Variants in ELP2 observed in about 807,000 individuals in gnomAD.
The protein encoded by ELP2 is elongator complex protein 2.
ELP2 carries 90 observed loss-of-function variants against 119.2 expected under a neutral mutation model. That is an observed-to-expected ratio of 0.75 (90% CI 0.64 to 0.90). The LOEUF is 0.90. ELP2 is among the 40% of genes least tolerant of loss of function. The probability of loss-of-function intolerance (pLI) is 0.00; values close to 1 mark genes in which losing one functional copy is unlikely to be tolerated. For missense variants in ELP2, 921 were observed against 967.8 expected, an observed-to-expected ratio of 0.95 and a Z score of 0.64; for synonymous variants, 339 against 331.0, an observed-to-expected ratio of 1.02 and a Z score of -0.26.
chr18:36,156,995 G>T (rs770442407), intron 13 of ELP2, among the ~76,000 whole-genome samples: 1 of 152,160 alleles, frequency 6.6e-6, no homozygotes, highest in Non-Finnish European at 1.5e-5. Flanking sequence ...CTGTATGGTA[G>T]GGGTAGAGGT....
rs1446931461 is a variant in ELP2, at chr18:36,176,542, C to G, written c.*1901C>G. 1 of 152,222 alleles carries G rather than the reference C, an allele frequency of 6.6e-6. No individual in the cohort carries two copies. The highest frequency in any genetic ancestry group is 2.4e-5 in the African/African-American group (1 of 41,448). The allele number at this position is 152,222 out of a possible 1,614,324, so 9.4% of individuals were successfully genotyped here. A position where few individuals can be genotyped will look rare whatever the true frequency, so the allele number is the denominator to read the frequency against. ...GCCTTGCCTAGAGAGACTGAGTTTT[C>G]AAGTTGTCAGTTTTCCCAAATTGTC... On this transcript the variant is annotated 3_prime_UTR_variant, in exon 22 of 22. Transcript: ENST00000358232.
At chr18:36,151,006 C>G (rs185757277) in intron 11 of ELP2, among the ~76,000 whole-genome samples, 1 of 151,846 alleles carries the variant, frequency 6.6e-6, no homozygotes, top group Non-Finnish European at 1.5e-5. Context: ...GACTCCAGCC[C>G]TTTTGTCAGT....
chr18:36,146,837 A>C (rs1235548872), intron 11 of ELP2, among the ~76,000 whole-genome samples: 1 of 151,796 alleles, frequency 6.6e-6, no homozygotes, highest in Non-Finnish European at 1.5e-5. Flanking sequence ...CCCGTCTCCA[A>C]AAAAAAAGAG....
At chr18:36,171,951 C>A (rs995596934) in intron 21 of ELP2, among the ~76,000 whole-genome samples, 3 of 152,162 alleles carry the variant, frequency 2.0e-5, no homozygotes, top group Non-Finnish European at 4.4e-5. Context: ...ATATCCTGGG[C>A]TCAAGCAATC....
At chr18:36,153,790 T>A (rs958166032) in intron 11 of ELP2, among the ~76,000 whole-genome samples, 2 of 152,062 alleles carry the variant, frequency 1.3e-5, no homozygotes, top group South Asian at 2.1e-4. Context: ...TTTTTTTTTT[T>A]ATAGAGCAGT....
intron 18 of ELP2, chr18:36,164,929 A>T (rs1295549668): frequency 4.2e-6 from 2 of 471,016 alleles, no homozygotes; most frequent in East Asian, 8.1e-5. Context: ...TTCAAGAAAC[A>T]TAAACATCTG....
chr18:36,168,906 T>A (rs2090987695), intron 19 of ELP2, among the ~76,000 whole-genome samples: 1 of 138,528 alleles, frequency 7.2e-6, no homozygotes. Flanking sequence ...CACTTCTCTC[T>A]CCATTTCTTT....
chr18:36,142,332 G>C lies in ELP2; in HGVS notation c.640G>C (p.Glu214Gln). 1 of 1,613,940 alleles carries C rather than the reference G, an allele frequency of 6.2e-7. No homozygotes were observed. Among genetic ancestry groups the C allele is most frequent in the Non-Finnish European group, 8.5e-7 (1 of 1,179,888 alleles). ...ACATGAGGATTGGATTAGAGGAGTGGAATGGGCAGCCTTTGGTCAGTATGA... is the reference window on the plus strand; with the variant it reads ...ACATGAGGATTGGATTAGAGGAGTGCAATGGGCAGCCTTTGGTCAGTATGA... ...CGHEDWIRGVEWAAFGRDLFL... is the reference protein window; with the variant it reads ...CGHEDWIRGVQWAAFGRDLFL... The change falls in exon 7 of 22, where the codon GAA becomes CAA. Residue 214 changes from glutamate to glutamine, a missense_variant. Transcript: ENST00000358232.
intron 2 of ELP2, 67 bp from the exon 3 acceptor site, chr18:36,136,240 C>A: frequency 8.1e-7 from 1 of 1,230,514 alleles, no homozygotes; most frequent in Non-Finnish European, 1.2e-6. Flanking sequence ...TTTGGTGTAG[C>A]TTGGAAATTT....
At chr18:36,131,347 A>G (rs1479043602) in intron 1 of ELP2, among the ~76,000 whole-genome samples, 1 of 152,252 alleles carries the variant, frequency 6.6e-6, no homozygotes, top group Non-Finnish European at 1.5e-5. Context: ...TAAAGGGACC[A>G]TGAGGCAAGG....
intron 16 of ELP2, among the ~76,000 whole-genome samples, chr18:36,160,433 C>G (rs1019551914): frequency 6.6e-6 from 1 of 151,694 alleles, no homozygotes; most frequent in African/African-American, 2.4e-5. Context: ...AAAAATTAGC[C>G]AGGCATGATG....
At chr18:36,141,018 G>T in intron 5 of ELP2, 119 bp from the exon 6 acceptor site, 1 of 809,924 alleles carries the variant, frequency 1.2e-6, no homozygotes, top group South Asian at 1.4e-5. Flanking sequence ...TATTCGTGTA[G>T]TGGTGTGGGA....
chr18:36,164,387 C>A, intron 17 of ELP2, 88 bp from the exon 18 acceptor site: 1 of 1,252,016 alleles, frequency 8.0e-7, no homozygotes, highest in African/African-American at 1.5e-5. Context: ...ATAAAATATA[C>A]TCATAGAAAC....
intron 19 of ELP2, 72 bp downstream of exon 19, chr18:36,167,294 A>T: frequency 8.3e-7 from 1 of 1,203,664 alleles, no homozygotes; most frequent in Non-Finnish European, 1.2e-6. Flanking sequence ...TGAATAAAAA[A>T]TGCATAATCC....
intron 21 of ELP2, among the ~76,000 whole-genome samples, chr18:36,172,737 A>G (rs1260222916): frequency 1.3e-5 from 2 of 152,192 alleles, no homozygotes; most frequent in African/African-American, 2.4e-5. Context: ...GACCTCTTCA[A>G]TGGCCACCAT....
chr18:36,131,268 C>T (rs1019520266), intron 1 of ELP2, among the ~76,000 whole-genome samples: 1 of 152,228 alleles, frequency 6.6e-6, no homozygotes, highest in African/African-American at 2.4e-5. Flanking sequence ...TTGCCTCTTC[C>T]TGGTTTTTGT....
chr18:36,155,918 A>G (rs2090558608), intron 12 of ELP2, among the ~76,000 whole-genome samples: 1 of 152,232 alleles, frequency 6.6e-6, no homozygotes, highest in Non-Finnish European at 1.5e-5. Flanking sequence ...TAAAAGATAG[A>G]TCCTGTTTTC....
intron 9 of ELP2, among the ~76,000 whole-genome samples, chr18:36,145,679 T>C (rs1188314019): frequency 6.6e-6 from 1 of 152,262 alleles, no homozygotes; most frequent in Non-Finnish European, 1.5e-5. Context: ...CTTTTTAGCT[T>C]ACCGTGTTTT....
intron 1 of ELP2, 99 bp from the exon 2 acceptor site, chr18:36,133,139 T>C (rs759018816): frequency 1.2e-6 from 1 of 831,696 alleles, no homozygotes; most frequent in Admixed American, 2.0e-5. Flanking sequence ...AACCTGATCT[T>C]TTTACTAGCA....
Sources: allele counts gnomAD v4.1 joint callset (sites outside exome capture counted in the v4.1 genomes callset), GRCh38; gene constraint gnomAD v4.1.1; transcripts MANE v1.5; gene names NCBI Gene and HGNC (gene_info 2026-07-23, HGNC 2026-07-21).